Variants in CACNB2 observed in about 807,000 individuals in gnomAD.
CACNB2 encodes the protein voltage-dependent L-type calcium channel subunit beta-2.
In CACNB2, 42 loss-of-function variants were observed where a neutral mutation model predicts 73.3. That is an observed-to-expected ratio of 0.57 (90% CI 0.45 to 0.74). CACNB2 has a LOEUF of 0.74. CACNB2 is among the 30% of genes least tolerant of loss of function. The pLI, the probability that CACNB2 is intolerant of heterozygous loss-of-function variation, is 0.00. For missense variants in CACNB2, 940 were observed against 853.0 expected, an observed-to-expected ratio of 1.10 and a Z score of -1.27; for synonymous variants, 348 against 310.3, an observed-to-expected ratio of 1.12 and a Z score of -1.28.
intron 3 of CACNB2, among the ~76,000 whole-genome samples, chr10:18,459,997 C>G (rs1361656237): frequency 6.6e-6 from 1 of 151,918 alleles, no homozygotes; most frequent in African/African-American, 2.4e-5. Context: ...GACTCCATCT[C>G]AAAAGAAAAG....
intron 3 of CACNB2, among the ~76,000 whole-genome samples, chr10:18,454,011 G>A (rs2047143971): frequency 6.6e-6 from 1 of 152,104 alleles, no homozygotes; most frequent in Admixed American, 6.6e-5. Flanking sequence ...GTTTCTGATT[G>A]TACTCCCAGG....
rs77904921 is a variant in CACNB2, at chr10:18,394,631, C to G, written c.214-7293C>G. ...TGCAATGAGTCCCCTGCTTCGTGGC[C>G]TTGCTCAGGTAGCTTCTCTATGTCT... is the stretch of plus-strand genomic sequence containing the variant. On this transcript the variant is annotated intron_variant, in intron 2 of 13. Transcript: ENST00000324631. Among the ~76,000 whole-genome samples, 1,155 of 152,272 alleles carry G rather than the reference C, an allele frequency of 7.6e-3. 23 individuals are homozygous for G. The highest frequency in any genetic ancestry group is 0.025 in the African/African-American group (1,044 of 41,528).
chr10:18,413,845 G>A lies in CACNB2; in HGVS notation c.333+11802G>A, dbSNP rs183106132. On this transcript the variant is annotated intron_variant, in intron 3 of 13. Transcript: ENST00000324631. ...GTTACGTATAAAGCACAAGGTTCCT[G>A]GACCTGTCTTTCCCTACTCTAGCCC... Among the ~76,000 whole-genome samples, 22 of 152,302 alleles carry A rather than the reference G, an allele frequency of 1.4e-4. No homozygotes were observed. In the East Asian group the frequency reaches 2.7e-3, roughly 19 times the overall value.
At chr10:18,451,895 G>A (rs1487781246) in intron 3 of CACNB2, among the ~76,000 whole-genome samples, 1 of 152,182 alleles carries the variant, frequency 6.6e-6, no homozygotes, top group Non-Finnish European at 1.5e-5. Flanking sequence ...TTATGATGCT[G>A]TTATGTTGTC....
At chr10:18,299,770 T>C (rs2039434180) in intron 2 of CACNB2, among the ~76,000 whole-genome samples, 1 of 152,156 alleles carries the variant, frequency 6.6e-6, no homozygotes, top group Non-Finnish European at 1.5e-5. Flanking sequence ...TTATAACTCA[T>C]GTTGCTGATG....
At chr10:18,488,341 G>A (rs940328833) in intron 3 of CACNB2, among the ~76,000 whole-genome samples, 1 of 151,408 alleles carries the variant, frequency 6.6e-6, no homozygotes, top group East Asian at 2.0e-4. Context: ...CAGGCGTGGT[G>A]GCAGGTGCCT....
intron 2 of CACNB2, among the ~76,000 whole-genome samples, chr10:18,228,433 C>CAAAAAAAAAAAAAAAAAAAAAAAAAAAG (rs1164745930): frequency 2.9e-5 from 1 of 34,798 alleles, no homozygotes; most frequent in Non-Finnish European, 5.1e-5. Context: ...AACTCTACCT[C>CAAAAAAAAAAAAAAAAAAAAAAAAAAAG]AAAAAAAAAA....
rs1422064488 is a variant in CACNB2 at position 18,260,548 on chromosome 10, G to A, written c.213+109573G>A. 6.1e-6 allele frequency: 6 copies of A among 985,732 alleles called. No homozygotes were observed. In the Admixed American group the frequency reaches 1.8e-4, roughly 30 times the overall value. The allele number at this position is 985,732 out of a possible 1,614,324, so 61.1% of individuals were successfully genotyped here. A position where few individuals can be genotyped will look rare whatever the true frequency, so the allele number is the denominator to read the frequency against. On this transcript the variant is annotated intron_variant, in intron 2 of 13. Coordinates refer to ENST00000324631, the MANE Select transcript of CACNB2 (RefSeq NM_201596.3). ...AATTCATGTGAAATACCTACTGCAG[G>A]ACAAAGCATCTGACGGTTTGGAGGA...
chr10:18,165,517 A>G (rs751465664), intron 2 of CACNB2, among the ~76,000 whole-genome samples: 2 of 152,230 alleles, frequency 1.3e-5, no homozygotes, highest in Non-Finnish European at 2.9e-5. Context: ...GGTTCAGGCG[A>G]CTGTTGAGCC....
intron 2 of CACNB2, among the ~76,000 whole-genome samples, chr10:18,351,461 A>AT (rs1347917975): frequency 6.6e-6 from 1 of 152,148 alleles, no homozygotes; most frequent in East Asian, 1.9e-4. Flanking sequence ...TTCTACCTAT[A>AT]TTTTTTAATT....
chr10:18,260,950 T>C, intron 2 of CACNB2: 2 of 1,280,956 alleles, frequency 1.6e-6, no homozygotes, highest in Middle Eastern at 3.3e-4. Flanking sequence ...CAGTCCTAAC[T>C]CTGTGTTAGC....
intron 3 of CACNB2, among the ~76,000 whole-genome samples, chr10:18,481,212 A>T (rs1185206777): frequency 2.7e-4 from 3 of 11,250 alleles, no homozygotes; most frequent in African/African-American, 3.7e-4. Flanking sequence ...ATATATATAT[A>T]TATATATATA....
At chr10:18,331,891 T>G (rs1203013200) in intron 2 of CACNB2, among the ~76,000 whole-genome samples, 1 of 152,096 alleles carries the variant, frequency 6.6e-6, no homozygotes, top group Non-Finnish European at 1.5e-5. Flanking sequence ...GTGGCAGCCA[T>G]GCAGGAGTTG....
At chr10:18,141,353 T>G (rs2030381585) in intron 1 of CACNB2, 2 of 800,694 alleles carry the variant, frequency 2.5e-6, no homozygotes, top group South Asian at 1.6e-5. Flanking sequence ...GGAGCGAATA[T>G]GGGGGTGCCC....
At position 18,535,490 on chromosome 10, in the gene CACNB2, C is replaced by T. The variant is rs911267081; in HGVS notation, c.1207-611C>T. ...GTAGCTATTTTTATTAAAAAAAATT[C>T]GGCCGGGCGCAGTGGCTCATACCTG... On this transcript the variant is annotated intron_variant, in intron 11 of 13. Transcript: ENST00000324631. 1.1e-4 allele frequency among the ~76,000 whole-genome samples: 16 copies of T among 152,066 alleles called. No individual in the cohort carries two copies. The South Asian group carries it at 1.7e-3, about 16-fold the overall frequency.
intron 2 of CACNB2, among the ~76,000 whole-genome samples, chr10:18,290,112 C>CTTTTTTTTTTTTTTTTTTTTTTTTT (rs992393946): frequency 8.0e-5 from 4 of 50,134 alleles, no homozygotes; most frequent in Admixed American, 3.2e-4. Flanking sequence ...TTTTCTTTTT[C>CTTTTTTTTTTTTTTTTTTTTTTTTT]TTTTTTTTTT....
intron 3 of CACNB2, among the ~76,000 whole-genome samples, chr10:18,437,335 A>G (rs1199887245): frequency 6.7e-6 from 1 of 150,338 alleles, no homozygotes; most frequent in Non-Finnish European, 1.5e-5. Flanking sequence ...CCATTGAACA[A>G]TGAGAGGTTA....
At chr10:18,295,220 A>G (rs1333518634) in intron 2 of CACNB2, among the ~76,000 whole-genome samples, 1 of 152,218 alleles carries the variant, frequency 6.6e-6, no homozygotes, top group Non-Finnish European at 1.5e-5. Flanking sequence ...ACTTTTTGTT[A>G]GAAAATGGTG....
intron 2 of CACNB2, among the ~76,000 whole-genome samples, chr10:18,166,265 A>AT (rs564732771): frequency 1.7e-3 from 259 of 150,342 alleles, no homozygotes; most frequent in African/African-American, 4.1e-3. Context: ...ATTTATGAGG[A>AT]TTTTTTTTTT....
Sources: allele counts gnomAD v4.1 joint callset (sites outside exome capture counted in the v4.1 genomes callset), GRCh38; gene constraint gnomAD v4.1.1; transcripts MANE v1.5; gene names NCBI Gene and HGNC (gene_info 2026-07-23, HGNC 2026-07-21).